SLC35F5: variants seen among roughly 807,000 people sequenced by gnomAD.
SLC35F5 encodes the protein solute carrier family 35 member F5.
SLC35F5 carries 54 observed loss-of-function variants against 68.6 expected under a neutral mutation model. The observed-to-expected ratio is 0.79, with a 90% confidence interval of 0.63 to 0.99. The LOEUF (loss-of-function observed/expected upper bound fraction) is 0.99, where lower values mean the gene tolerates loss of function less well. Among genes scored for constraint, SLC35F5 ranks in the 50% least tolerant of loss-of-function variants. The pLI is 0.00. For missense variants in SLC35F5, 567 were observed against 626.9 expected (o/e 0.90, Z 1.02); for synonymous variants, 211 against 205.2 (o/e 1.03, Z -0.24).
chr2:113,733,200 T>C (rs539646608), intron 9 of SLC35F5, among the ~76,000 whole-genome samples: 1 of 152,302 alleles, frequency 6.6e-6, no homozygotes, highest in African/African-American at 2.4e-5. Flanking sequence ...GCTCTGCCTC[T>C]GCAGTGCTAA....
At chr2:113,744,909 C>T (rs1676427115) in intron 5 of SLC35F5, among the ~76,000 whole-genome samples, 1 of 152,102 alleles carries the variant, frequency 6.6e-6, no homozygotes, top group South Asian at 2.1e-4. Flanking sequence ...TGCAAATGTT[C>T]TTCAGATGAT....
chr2:113,735,319 G>A (rs539815783), intron 8 of SLC35F5, among the ~76,000 whole-genome samples: 2 of 152,186 alleles, frequency 1.3e-5, no homozygotes, highest in Non-Finnish European at 2.9e-5. Context: ...GAAAATGTGT[G>A]TCGTTAGGCA....
At chr2:113,704,146 G>C (rs756194973), downstream of SLC35F5, 1 of 152,426 alleles carries the variant, frequency 6.6e-6, no homozygotes, top group Non-Finnish European at 1.5e-5. Context: ...AGCTCCCACA[G>C]CTCGGTAAGG....
intron 4 of SLC35F5, among the ~76,000 whole-genome samples, chr2:113,749,117 T>A (rs1273810953): frequency 6.6e-6 from 1 of 152,192 alleles, no homozygotes; most frequent in South Asian, 2.1e-4. Flanking sequence ...CTTGAACTCC[T>A]GAGGCTCAAG....
At chr2:113,755,395 G>C in intron 2 of SLC35F5, 59 bp downstream of exon 2, 1 of 1,605,494 alleles carries the variant, frequency 6.2e-7, no homozygotes, top group African/African-American at 1.3e-5. Flanking sequence ...AGAAACATTT[G>C]ACTTTTGTTA....
intron 5 of SLC35F5, 151 bp from the exon 6 acceptor site, chr2:113,743,945 G>A (rs139543589): frequency 3.9e-6 from 2 of 513,632 alleles, no homozygotes; most frequent in African/African-American, 1.9e-5. Flanking sequence ...CTTAAAAAAG[G>A]AAACTCAACA....
chr2:113,702,969 G>C (rs1686725092), downstream of SLC35F5, among the ~76,000 whole-genome samples: 1 of 152,020 alleles, frequency 6.6e-6, no homozygotes, highest in Non-Finnish European at 1.5e-5. Flanking sequence ...ACTTAGCCAG[G>C]CTTGTTGGTG....
At chr2:113,734,726 AT>A in intron 8 of SLC35F5, 53 bp from the exon 9 acceptor site, 3 of 1,050,034 alleles carry the variant, frequency 2.9e-6, no homozygotes, top group Non-Finnish European at 4.3e-6. Context: ...TACTGTCAAC[AT>A]TTTTACTACC....
chr2:113,734,779 A>G (rs1688024488), intron 8 of SLC35F5, 106 bp from the exon 9 acceptor site: 2 of 652,584 alleles, frequency 3.1e-6, no homozygotes, highest in Admixed American at 3.1e-5. Flanking sequence ...CCTACCTTTC[A>G]AATTATTTTT....
At position 113,712,137 on chromosome 2, in the gene SLC35F5, G is replaced by A. The variant is rs977167532; in HGVS notation, c.*3081C>T. Among the ~76,000 whole-genome samples, 4 of 152,112 alleles carry A rather than the reference G, an allele frequency of 2.6e-5. No individual in the cohort carries two copies. Among genetic ancestry groups the A allele is most frequent in the Admixed American group, 6.6e-5 (1 of 15,266 alleles). On this transcript the variant is annotated 3_prime_UTR_variant, in exon 16 of 16. Coordinates refer to ENST00000245680, the MANE Select transcript of SLC35F5 (RefSeq NM_025181.5). The stretch of plus-strand genomic sequence containing the variant: ...GTGAGCTCACTTCTACAAGAACAAT[G>A]AACTTATTTGTCAGCTGCCAGGGGG...
At chr2:113,736,102 G>GT (rs5833509) in intron 7 of SLC35F5, among the ~76,000 whole-genome samples, 270 of 145,338 alleles carry the variant, frequency 1.9e-3, no homozygotes, top group Middle Eastern at 0.014. Context: ...TAGCATTCAG[G>GT]TTTTTTTTTT....
intron 11 of SLC35F5, among the ~76,000 whole-genome samples, chr2:113,726,136 C>T (rs1054665120): frequency 2.6e-5 from 4 of 152,146 alleles, no homozygotes; most frequent in Non-Finnish European, 4.4e-5. Context: ...CATCTGACTG[C>T]CTGGGTCCAA....
intron 8 of SLC35F5, among the ~76,000 whole-genome samples, chr2:113,735,557 C>A (rs1421255479): frequency 6.6e-6 from 1 of 152,162 alleles, no homozygotes; most frequent in Non-Finnish European, 1.5e-5. Flanking sequence ...GTATTATAAT[C>A]TTATGGGACC....
At position 113,711,443 on chromosome 2, in the gene SLC35F5, T is replaced by C. The variant is rs942800754; in HGVS notation, c.*3775A>G. On this transcript the variant is annotated 3_prime_UTR_variant, in exon 16 of 16. Transcript: ENST00000245680. ...TCTTAAGATTTAAAGAAAAATTTCC[T>C]GTGCACATACAATGTACCTATGAAA... Among the ~76,000 whole-genome samples, 2 of 152,144 alleles carry C rather than the reference T, an allele frequency of 1.3e-5. No homozygotes were observed. Among genetic ancestry groups the C allele is most frequent in the African/African-American group, 4.8e-5 (2 of 41,392 alleles).
intron 1 of SLC35F5, chr2:113,756,014 A>G: frequency 6.6e-7 from 1 of 1,506,086 alleles, no homozygotes; most frequent in Non-Finnish European, 8.9e-7. Flanking sequence ...TCAAGTGGTA[A>G]AAGAAAAGGA....
At position 113,756,541 on chromosome 2, in the gene SLC35F5, A is replaced by C; in HGVS notation, c.-132T>G. The C allele has an allele frequency of 1.4e-6, 2 of 1,480,938 alleles. No individual in the cohort carries two copies. Among genetic ancestry groups the C allele is most frequent in the Non-Finnish European group, 8.9e-7 (1 of 1,119,296 alleles). The allele number at this position is 1,480,938 out of a possible 1,614,324, so 91.7% of individuals were successfully genotyped here. A position where few individuals can be genotyped will look rare whatever the true frequency, so the allele number is the denominator to read the frequency against. On this transcript the variant is annotated 5_prime_UTR_variant, in exon 1 of 16. Coordinates refer to ENST00000245680, the MANE Select transcript of SLC35F5 (RefSeq NM_025181.5). ...TGAAGACGCGGTGCCCCTCAGGGAG[A>C]GGCTCCCGACACCACCCAACTCCAC...
chr2:113,731,668 T>A lies in SLC35F5; in HGVS notation c.921-20A>T. ...CCAATGCTATGAGAATAACAGTCAT[T>A]AATGATGAGCTAAAGAATTCTGAAA... On this transcript the variant is annotated intron_variant, in intron 9 of 15. Transcript: ENST00000245680. 1.9e-6 allele frequency: 3 copies of A among 1,596,182 alleles called. No homozygotes were observed. The highest frequency in any genetic ancestry group is 2.6e-6 in the Non-Finnish European group (3 of 1,164,134).
chr2:113,716,582 G>A (rs531081682), intron 15 of SLC35F5, among the ~76,000 whole-genome samples: 1 of 152,266 alleles, frequency 6.6e-6, no homozygotes, highest in Non-Finnish European at 1.5e-5. Context: ...TGTCCTCGTT[G>A]ATCTTAGTGG....
chr2:113,725,694 A>T, intron 11 of SLC35F5, 157 bp from the exon 12 acceptor site: 1 of 590,914 alleles, frequency 1.7e-6, no homozygotes. Flanking sequence ...AGTCCTGTGA[A>T]TAGCTCAACG....
Sources: allele counts gnomAD v4.1 joint callset (sites outside exome capture counted in the v4.1 genomes callset), GRCh38; gene constraint gnomAD v4.1.1; transcripts MANE v1.5; gene names NCBI Gene and HGNC (gene_info 2026-07-23, HGNC 2026-07-21).